The following WWOX variants were observed in gnomAD, a reference collection of about 807,000 sequenced individuals.
The protein encoded by WWOX is WW domain containing oxidoreductase.
In WWOX, 69 loss-of-function variants were observed where a neutral mutation model predicts 46.2. That is an observed-to-expected ratio of 1.49 (90% CI 1.23 to 1.82). The LOEUF (loss-of-function observed/expected upper bound fraction) is 1.82, where lower values mean the gene tolerates loss of function less well. Among genes scored for constraint, WWOX ranks in the 40% most tolerant of loss-of-function variants. WWOX has a pLI of 0.00. For synonymous variants in WWOX, 359 were observed against 202.6 expected, an observed-to-expected ratio of 1.77 and a Z score of -6.56; for missense variants, 919 against 542.6, an observed-to-expected ratio of 1.69 and a Z score of -6.89.
intron 8 of WWOX, among the ~76,000 whole-genome samples, chr16:78,505,863 G>A (rs1282944387): frequency 1.3e-5 from 2 of 152,192 alleles, no homozygotes; most frequent in East Asian, 3.9e-4. Context: ...GGACTCCAGG[G>A]CCATGGAGGA....
intron 8 of WWOX, among the ~76,000 whole-genome samples, chr16:78,934,508 C>CAAAAAAA (rs760272326): frequency 1.1e-4 from 8 of 73,888 alleles, no homozygotes; most frequent in Non-Finnish European, 1.8e-4. Flanking sequence ...AACCCTGTAT[C>CAAAAAAA]AAAAAAAAAA....
chr16:78,766,808 T>A (rs2049934209), intron 8 of WWOX, among the ~76,000 whole-genome samples: 1 of 152,210 alleles, frequency 6.6e-6, no homozygotes, highest in African/African-American at 2.4e-5. Flanking sequence ...CACAACTTAG[T>A]ATTTATCATT....
At chr16:78,273,809 T>G (rs2079527819) in intron 5 of WWOX, among the ~76,000 whole-genome samples, 2 of 152,168 alleles carry the variant, frequency 1.3e-5, no homozygotes, top group Admixed American at 1.3e-4. Context: ...GCTTGGACAG[T>G]GTATTGTGTA....
At chr16:78,921,342 G>A (rs1305889023) in intron 8 of WWOX, among the ~76,000 whole-genome samples, 1 of 152,188 alleles carries the variant, frequency 6.6e-6, no homozygotes, top group East Asian at 1.9e-4. Context: ...AGTTCTAGCT[G>A]ACATAATTTC....
chr16:78,373,113 C>T (rs2081733642), intron 5 of WWOX, among the ~76,000 whole-genome samples: 1 of 152,110 alleles, frequency 6.6e-6, no homozygotes, highest in Admixed American at 6.6e-5. Flanking sequence ...AGGAACACAT[C>T]TCTTTCTTGT....
intron 4 of WWOX, among the ~76,000 whole-genome samples, chr16:78,133,300 A>G (rs2033669602): frequency 6.6e-6 from 1 of 152,144 alleles, no homozygotes. Flanking sequence ...TTGCACTGTC[A>G]CCCAGGCTTG....
intron 8 of WWOX, among the ~76,000 whole-genome samples, chr16:79,102,069 AG>A (rs1567551362): frequency 8.1e-4 from 5 of 6,170 alleles, no homozygotes; most frequent in African/African-American, 1.8e-3. Flanking sequence ...GGAGGGGGGG[AG>A]GGGGTGTGGG....
chr16:78,689,537 A>G (rs1411530314), intron 8 of WWOX, among the ~76,000 whole-genome samples: 1 of 152,118 alleles, frequency 6.6e-6, no homozygotes, highest in East Asian at 1.9e-4. Context: ...TCTTTGTAAG[A>G]GTCATTCTAA....
intron 5 of WWOX, among the ~76,000 whole-genome samples, chr16:78,290,694 C>T (rs2079845781): frequency 6.6e-6 from 1 of 151,880 alleles, no homozygotes; most frequent in Non-Finnish European, 1.5e-5. Flanking sequence ...TGAAGAATGA[C>T]TTATTGATTC....
intron 8 of WWOX, among the ~76,000 whole-genome samples, 186 bp downstream of exon 8, chr16:78,432,938 G>A (rs775726102): frequency 1.8e-4 from 28 of 152,286 alleles, no homozygotes; most frequent in South Asian, 8.3e-4. Context: ...GGGTAAATGC[G>A]TCTTGGAGGG....
intron 8 of WWOX, among the ~76,000 whole-genome samples, chr16:78,842,345 AAAATT>A (rs1203357400): frequency 6.6e-6 from 1 of 151,820 alleles, no homozygotes; most frequent in Non-Finnish European, 1.5e-5. Flanking sequence ...AAAAAAAAAA[AAAATT>A]AAATTAGCTG....
At chr16:78,346,320 G>GTAAATGGATACTAATGTGAACT (rs1273560533) in intron 5 of WWOX, among the ~76,000 whole-genome samples, 1 of 121,266 alleles carries the variant, frequency 8.2e-6, no homozygotes, top group African/African-American at 2.8e-5. Flanking sequence ...TTTAGCTGTT[G>GTAAATGGATACTAATGTGAACT]TAAATGGATA....
At chr16:78,665,784 G>C (rs144359685) in intron 8 of WWOX, among the ~76,000 whole-genome samples, 2,926 of 152,124 alleles carry the variant, frequency 0.019, 82 homozygotes, top group African/African-American at 0.066. Context: ...TCCTGGGTTC[G>C]AGTGATTCTC....
chr16:78,633,545 C>T (rs562053171), intron 8 of WWOX, among the ~76,000 whole-genome samples: 4 of 152,346 alleles, frequency 2.6e-5, no homozygotes, highest in African/African-American at 9.6e-5. Flanking sequence ...TGGTTTCCAA[C>T]CTTTCACTGT....
At chr16:78,548,579 A>G (rs979238412) in intron 8 of WWOX, among the ~76,000 whole-genome samples, 3 of 152,300 alleles carry the variant, frequency 2.0e-5, no homozygotes, top group South Asian at 2.1e-4. Flanking sequence ...CTTCCCATCA[A>G]TTTAAACATC....
intron 8 of WWOX, among the ~76,000 whole-genome samples, chr16:78,620,441 A>C (rs951864902): frequency 6.6e-6 from 1 of 152,164 alleles, no homozygotes; most frequent in Non-Finnish European, 1.5e-5. Context: ...TGGGACATTC[A>C]AGGCCGAAAC....
chr16:78,511,180 A>G (rs1473386858), intron 8 of WWOX, among the ~76,000 whole-genome samples: 1 of 152,174 alleles, frequency 6.6e-6, no homozygotes, highest in South Asian at 2.1e-4. Context: ...GGGAAAAGGC[A>G]GAAGACGGCT....
intron 8 of WWOX, among the ~76,000 whole-genome samples, chr16:78,644,692 A>G (rs1283074480): frequency 3.3e-5 from 5 of 152,152 alleles, no homozygotes; most frequent in South Asian, 2.1e-4. Context: ...GGAACTCCTG[A>G]ACTCAAGTGA....
At chr16:78,879,287 G>T (rs2044294693) in intron 8 of WWOX, among the ~76,000 whole-genome samples, 1 of 152,188 alleles carries the variant, frequency 6.6e-6, no homozygotes, top group Admixed American at 6.5e-5. Flanking sequence ...TTGCATCTCA[G>T]TATGAGACAC....
Sources: gnomAD v4.1 joint callset for allele counts (sites outside exome capture counted in the v4.1 genomes callset) on GRCh38, gnomAD v4.1.1 for gene constraint, MANE v1.5 for transcripts, NCBI Gene and HGNC (gene_info 2026-07-23, HGNC 2026-07-21) for gene names.